FAF1: variants seen among roughly 807,000 people sequenced by gnomAD.
FAF1 encodes the protein FAS-associated factor 1.
Under a neutral mutation model 92.5 loss-of-function variants are expected in FAF1, and 25 were observed. The observed-to-expected ratio is 0.27, with a 90% CI of 0.20 to 0.38. FAF1 has a LOEUF of 0.38. Ranked by LOEUF, FAF1 falls within the 10% of genes least tolerant of loss-of-function variation. The pLI is 1.00. For missense variants in FAF1, 636 were observed against 793.3 expected (o/e 0.80, Z 2.38); for synonymous variants, 234 against 273.2 (o/e 0.86, Z 1.42).
At chr1:50,868,149 T>A (rs1400057400) in intron 1 of FAF1, among the ~76,000 whole-genome samples, 2 of 152,042 alleles carry the variant, frequency 1.3e-5, no homozygotes, top group Non-Finnish European at 2.9e-5. Flanking sequence ...GGCATAAGAA[T>A]GATACAAGGG....
At chr1:50,585,657 C>T (rs1171580014) in intron 9 of FAF1, among the ~76,000 whole-genome samples, 3 of 151,992 alleles carry the variant, frequency 2.0e-5, no homozygotes, top group Non-Finnish European at 2.9e-5. Flanking sequence ...CTTGTCTGTC[C>T]TATGTTCAAT....
intron 8 of FAF1, among the ~76,000 whole-genome samples, chr1:50,651,444 G>A (rs1424178347): frequency 6.6e-6 from 1 of 151,906 alleles, no homozygotes; most frequent in Non-Finnish European, 1.5e-5. Flanking sequence ...TTGATCTATG[G>A]TATTTTCATA....
At chr1:50,550,472 C>T (rs568916515) in intron 13 of FAF1, among the ~76,000 whole-genome samples, 2 of 150,892 alleles carry the variant, frequency 1.3e-5, no homozygotes, top group Admixed American at 6.6e-5. Context: ...AGTCACTCAT[C>T]AAAGCTTTCA....
chr1:50,617,393 C>T (rs1652967360), intron 8 of FAF1, among the ~76,000 whole-genome samples: 1 of 152,272 alleles, frequency 6.6e-6, no homozygotes, highest in East Asian at 1.9e-4. Flanking sequence ...TTTACTGCGT[C>T]TATTGAGATG....
chr1:50,635,475 G>C (rs973421730), intron 8 of FAF1, among the ~76,000 whole-genome samples: 8 of 152,144 alleles, frequency 5.3e-5, no homozygotes, highest in Non-Finnish European at 1.2e-4. Context: ...ACCCAGGCTG[G>C]AGTGCAGTGT....
chr1:50,744,112 C>CTGGG (rs1364529954), intron 5 of FAF1, among the ~76,000 whole-genome samples: 1 of 152,030 alleles, frequency 6.6e-6, no homozygotes, highest in African/African-American at 2.4e-5. Context: ...GAGGTTGCTA[C>CTGGG]TGGGTTCCTA....
At chr1:50,555,532 G>T (rs920128952) in intron 13 of FAF1, among the ~76,000 whole-genome samples, 1 of 151,952 alleles carries the variant, frequency 6.6e-6, no homozygotes, top group African/African-American at 2.4e-5. Context: ...AATCATCAGG[G>T]AAATGCAAAT....
At chr1:50,469,674 AG>A (rs1646546695) in intron 18 of FAF1, 1 of 152,216 alleles carries the variant, frequency 6.6e-6, no homozygotes, top group Non-Finnish European at 1.5e-5. Flanking sequence ...AGACGTGGGG[AG>A]GCAAAACTGG....
chr1:50,505,777 T>C (rs1216166445), intron 15 of FAF1, among the ~76,000 whole-genome samples: 2 of 152,212 alleles, frequency 1.3e-5, no homozygotes, highest in African/African-American at 4.8e-5. Context: ...TAGCCCTTTA[T>C]AGAAAAACTT....
At chr1:50,454,030 G>C (rs1373976307) in intron 18 of FAF1, among the ~76,000 whole-genome samples, 2 of 152,172 alleles carry the variant, frequency 1.3e-5, no homozygotes, top group Non-Finnish European at 2.9e-5. Context: ...TATCTGTCTG[G>C]TGTACCACCT....
intron 6 of FAF1, among the ~76,000 whole-genome samples, chr1:50,722,065 C>T (rs997228751): frequency 5.3e-5 from 8 of 152,078 alleles, no homozygotes; most frequent in Admixed American, 2.0e-4. Flanking sequence ...AGTTAAAAAC[C>T]TACTGTTTTT....
chr1:50,896,323 T>C (rs889818885), intron 1 of FAF1, among the ~76,000 whole-genome samples: 1 of 152,140 alleles, frequency 6.6e-6, no homozygotes, highest in Non-Finnish European at 1.5e-5. Context: ...ACACAAAGGA[T>C]AAATGCTTGA....
intron 7 of FAF1, among the ~76,000 whole-genome samples, chr1:50,678,493 T>A (rs1656253628): frequency 6.6e-6 from 1 of 152,154 alleles, no homozygotes; most frequent in African/African-American, 2.4e-5. Context: ...TTTTAAAAAA[T>A]ACATTTTTTG....
At chr1:50,769,519 G>A (rs1660703005) in intron 4 of FAF1, among the ~76,000 whole-genome samples, 1 of 152,164 alleles carries the variant, frequency 6.6e-6, no homozygotes, top group Non-Finnish European at 1.5e-5. Context: ...CAGTATCAAT[G>A]ATGAACATGG....
chr1:50,770,736 C>T (rs1660747333), intron 4 of FAF1, among the ~76,000 whole-genome samples: 1 of 152,146 alleles, frequency 6.6e-6, no homozygotes, highest in South Asian at 2.1e-4. Flanking sequence ...ATTCTTCACA[C>T]AATTAGAAAA....
rs530567565 is a variant in FAF1, at chr1:50,844,228, T to C, written c.114+13701A>G. Among the ~76,000 whole-genome samples, 28 of 152,306 alleles carry C rather than the reference T, an allele frequency of 1.8e-4. 1 individual carries two copies. The South Asian group carries it at 5.0e-3, about 27-fold the overall frequency. Reference sequence around the variant, plus strand: ...TTTGCCCATTTTTTAAATCATAGTATTTGTTTTTCTGCAGTTGAGTTGAAT... The same window carrying C: ...TTTGCCCATTTTTTAAATCATAGTACTTGTTTTTCTGCAGTTGAGTTGAAT... On this transcript the variant is annotated intron_variant, in intron 2 of 18. Coordinates refer to ENST00000396153, the MANE Select transcript of FAF1 (RefSeq NM_007051.3).
At chr1:50,811,307 C>G (rs938238096) in intron 2 of FAF1, among the ~76,000 whole-genome samples, 5 of 152,116 alleles carry the variant, frequency 3.3e-5, no homozygotes, top group African/African-American at 1.2e-4. Context: ...TTACTGCACT[C>G]CAGCTTGAGT....
At chr1:50,614,322 A>C (rs773930970) in intron 8 of FAF1, among the ~76,000 whole-genome samples, 78 of 152,150 alleles carry the variant, frequency 5.1e-4, no homozygotes, top group Non-Finnish European at 8.5e-4. Flanking sequence ...GGCAGAAACT[A>C]TTGTTGTGTA....
chr1:50,710,760 G>A (rs1485313178), intron 6 of FAF1, among the ~76,000 whole-genome samples: 2 of 150,400 alleles, frequency 1.3e-5, no homozygotes, highest in Non-Finnish European at 3.0e-5. Flanking sequence ...GTGCCACCAC[G>A]CCCGGCTAAT....
Sources: allele counts gnomAD v4.1 joint callset (sites outside exome capture counted in the v4.1 genomes callset), GRCh38; gene constraint gnomAD v4.1.1; transcripts MANE v1.5; gene names NCBI Gene and HGNC (gene_info 2026-07-23, HGNC 2026-07-21).